The following NCK1 variants were observed in gnomAD, a reference collection of about 807,000 sequenced individuals.
The protein encoded by NCK1 is SH2/SH3 adapter protein NCK1.
NCK1 carries 19 observed loss-of-function variants against 36.6 expected under a neutral mutation model. The observed-to-expected ratio is 0.52, with a 90% CI of 0.36 to 0.76. The LOEUF is 0.76. Among genes scored for constraint, NCK1 ranks in the 30% least tolerant of loss-of-function variants. NCK1 has a pLI of 0.00. For missense variants in NCK1, 358 were observed against 445.6 expected, an observed-to-expected ratio of 0.80 and a Z score of 1.77; for synonymous variants, 165 against 156.0, an observed-to-expected ratio of 1.06 and a Z score of -0.43.
chr3:136,904,834 A>ATT (rs55815126), intron 1 of NCK1, among the ~76,000 whole-genome samples: 7,998 of 142,730 alleles, frequency 0.056, 297 homozygotes, highest in Admixed American at 0.11. Context: ...GGCTTTTCTC[A>ATT]TTTTTTTTTT....
At chr3:136,910,477 C>T (rs552185212) in intron 1 of NCK1, among the ~76,000 whole-genome samples, 9 of 152,244 alleles carry the variant, frequency 5.9e-5, no homozygotes, top group East Asian at 1.9e-4. Context: ...TAAAAAATTA[C>T]AAACTGAATA....
At chr3:136,895,075 A>T (rs935456889) in intron 1 of NCK1, among the ~76,000 whole-genome samples, 3 of 152,094 alleles carry the variant, frequency 2.0e-5, no homozygotes, top group Admixed American at 6.6e-5. Context: ...GGGTTTCTCC[A>T]TCTTGGTCAG....
chr3:136,869,695 G>A (rs1410806175), intron 1 of NCK1, among the ~76,000 whole-genome samples: 1 of 152,100 alleles, frequency 6.6e-6, no homozygotes, highest in Admixed American at 6.6e-5. Context: ...TTTCTTATGT[G>A]TACGTAACAA....
chr3:136,893,516 G>T (rs1939311202), intron 1 of NCK1, among the ~76,000 whole-genome samples: 1 of 152,064 alleles, frequency 6.6e-6, no homozygotes, highest in Admixed American at 6.6e-5. Context: ...GCTGATCTGA[G>T]TTCCTTGTAG....
chr3:136,934,209 T>G (rs770231243), intron 2 of NCK1, among the ~76,000 whole-genome samples: 1 of 152,008 alleles, frequency 6.6e-6, no homozygotes, highest in Non-Finnish European at 1.5e-5. Flanking sequence ...TTTTTTTAAC[T>G]TTTAGGGTTG....
At chr3:136,941,477 G>A (rs1351769554) in intron 2 of NCK1, among the ~76,000 whole-genome samples, 1 of 151,824 alleles carries the variant, frequency 6.6e-6, no homozygotes, top group Non-Finnish European at 1.5e-5. Flanking sequence ...TTCTCTTTCT[G>A]TATTTTTGTT....
At chr3:136,941,372 C>T (rs1005400692) in intron 2 of NCK1, among the ~76,000 whole-genome samples, 2 of 151,982 alleles carry the variant, frequency 1.3e-5, no homozygotes, top group Non-Finnish European at 2.9e-5. Context: ...TCAAGTGATC[C>T]GCCCACCTTG....
rs866895914 is a variant in NCK1 at position 136,887,956 on chromosome 3, T to C, written c.-19+25603T>C. ...CTTTCTTTCTTTCTTTTTTTTTTTT[T>C]CTTTTGAGATGGAGTCTTGCTCTTG... On this transcript the variant is annotated intron_variant, in intron 1 of 3. Coordinates refer to ENST00000481752, the MANE Select transcript of NCK1 (RefSeq NM_001291999.2). Among the ~76,000 whole-genome samples, 25 of 150,292 alleles carry C rather than the reference T, an allele frequency of 1.7e-4. No homozygotes were observed. In the Middle Eastern group the frequency reaches 0.017, roughly 103 times the overall value.
At chr3:136,894,229 C>G (rs1017764263) in intron 1 of NCK1, among the ~76,000 whole-genome samples, 1 of 152,162 alleles carries the variant, frequency 6.6e-6, no homozygotes, top group African/African-American at 2.4e-5. Context: ...CTCAGGATCT[C>G]TAGTACAGCA....
chr3:136,862,752 G>T (rs1938272576), intron 1 of NCK1, among the ~76,000 whole-genome samples: 1 of 152,260 alleles, frequency 6.6e-6, no homozygotes, highest in South Asian at 2.1e-4. Context: ...GGCCGGGAAG[G>T]TAGGGACGTG....
intron 1 of NCK1, among the ~76,000 whole-genome samples, chr3:136,876,786 G>C (rs150306732): frequency 1.3e-5 from 2 of 152,116 alleles, no homozygotes; most frequent in Admixed American, 1.3e-4. Context: ...TTACGAATCA[G>C]TGTAACTGCT....
chr3:136,919,900 A>G (rs1406781910), intron 1 of NCK1, among the ~76,000 whole-genome samples: 1 of 152,190 alleles, frequency 6.6e-6, no homozygotes, highest in East Asian at 1.9e-4. Flanking sequence ...ACTTTAACAC[A>G]TAACTTGACA....
intron 1 of NCK1, among the ~76,000 whole-genome samples, chr3:136,898,308 A>G (rs1206154459): frequency 2.0e-5 from 3 of 151,678 alleles, no homozygotes; most frequent in Non-Finnish European, 4.4e-5. Flanking sequence ...GAGGCATGAG[A>G]ATCACTTGAA....
intron 2 of NCK1, among the ~76,000 whole-genome samples, chr3:136,936,612 A>C (rs1940538544): frequency 6.6e-6 from 1 of 152,064 alleles, no homozygotes; most frequent in African/African-American, 2.4e-5. Flanking sequence ...TGTAAGGGGG[A>C]TTCCAGTTTC....
intron 2 of NCK1, among the ~76,000 whole-genome samples, chr3:136,935,876 C>G (rs1940516734): frequency 6.6e-6 from 1 of 152,058 alleles, no homozygotes; most frequent in Non-Finnish European, 1.5e-5. Context: ...TACTAATCTG[C>G]TTTCTGTCTC....
rs554174737 is a variant in NCK1, at chr3:136,881,408, C to T, written c.-19+19055C>T. Among the ~76,000 whole-genome samples, 32 of 151,998 alleles carry T rather than the reference C, an allele frequency of 2.1e-4. No homozygotes were observed. In the South Asian group the frequency reaches 2.3e-3, roughly 11 times the overall value. On this transcript the variant is annotated intron_variant, in intron 1 of 3. Transcript: ENST00000481752. ...CTAATTTTTGTATTTTTAGTGGAGA[C>T]GGGATTTCACCATATTGGCCAGGCT... is the stretch of plus-strand genomic sequence containing the variant.
intron 1 of NCK1, chr3:136,899,586 T>C (rs191340989): frequency 8.2e-6 from 5 of 611,322 alleles, no homozygotes; most frequent in African/African-American, 3.7e-5. Flanking sequence ...CAGAAAAATT[T>C]TCCTCTGTTG....
chr3:136,898,022 T>C (rs1939435202), intron 1 of NCK1, among the ~76,000 whole-genome samples: 1 of 152,192 alleles, frequency 6.6e-6, no homozygotes, highest in Non-Finnish European at 1.5e-5. Context: ...GAAACAGCTT[T>C]CCCTTGTTTA....
chr3:136,872,226 A>T (rs1326227227), intron 1 of NCK1, among the ~76,000 whole-genome samples: 1 of 152,220 alleles, frequency 6.6e-6, no homozygotes, highest in Non-Finnish European at 1.5e-5. Flanking sequence ...TGGACCATAA[A>T]GTCCAGGCTG....
Sources: allele counts gnomAD v4.1 joint callset (sites outside exome capture counted in the v4.1 genomes callset), GRCh38; gene constraint gnomAD v4.1.1; transcripts MANE v1.5; gene names NCBI Gene and HGNC (gene_info 2026-07-23, HGNC 2026-07-21).